The following TNNI3K variants were observed in gnomAD, a reference collection of about 807,000 sequenced individuals.
TNNI3K encodes serine/threonine-protein kinase TNNI3K.
Under a neutral mutation model 114.5 loss-of-function variants are expected in TNNI3K, and 140 were observed. The observed-to-expected ratio is 1.22, with a 90% CI of 1.07 to 1.41. The LOEUF is 1.41. TNNI3K is among the 40% of genes most tolerant of loss of function. The pLI is 0.00. For missense variants in TNNI3K, 1,125 were observed against 1,007.6 expected (o/e 1.12, Z -1.58); for synonymous variants, 347 against 347.5 (o/e 1.00, Z 0.02).
At chr1:74,244,347 G>A (rs536418384) in intron 2 of TNNI3K, among the ~76,000 whole-genome samples, 1 of 152,196 alleles carries the variant, frequency 6.6e-6, no homozygotes, top group African/African-American at 2.4e-5. Context: ...TCAGTTTAAA[G>A]CAAGGAACTC....
At chr1:74,459,426 G>C (rs1667355377) in intron 20 of TNNI3K, among the ~76,000 whole-genome samples, 1 of 152,074 alleles carries the variant, frequency 6.6e-6, no homozygotes, top group South Asian at 2.1e-4. Flanking sequence ...GGGTACCCAG[G>C]AAAAGTCAAT....
At chr1:74,351,554 C>T (rs1176552202) in intron 9 of TNNI3K, among the ~76,000 whole-genome samples, 1 of 151,968 alleles carries the variant, frequency 6.6e-6, no homozygotes, top group East Asian at 1.9e-4. Flanking sequence ...TAATATCCTG[C>T]AGAGTGTTTT....
intron 23 of TNNI3K, among the ~76,000 whole-genome samples, chr1:74,504,492 T>C (rs1480836438): frequency 6.6e-6 from 1 of 152,070 alleles, no homozygotes. Context: ...AAACCACCCT[T>C]AGTTTGAAAC....
At chr1:74,415,084 C>T (rs775359189) in intron 17 of TNNI3K, among the ~76,000 whole-genome samples, 11 of 152,158 alleles carry the variant, frequency 7.2e-5, no homozygotes, top group Non-Finnish European at 1.6e-4. Flanking sequence ...CTATCCCAGC[C>T]ACGACGGGGC....
At chr1:74,475,000 G>A (rs1668117315) in intron 21 of TNNI3K, among the ~76,000 whole-genome samples, 1 of 5,454 alleles carries the variant, frequency 1.8e-4, no homozygotes, top group East Asian at 5.3e-3. Flanking sequence ...TATTTAAAAG[G>A]CTACTTTTTT....
chr1:74,291,251 C>A lies in TNNI3K; in HGVS notation c.444+19543C>A, dbSNP rs45541840. ...GTGAATATGTATCTCTGTATAAAAT[C>A]ATTAATTAAATATTTTTAATTTTTT... On this transcript the variant is annotated intron_variant, in intron 5 of 24. Coordinates refer to ENST00000326637, the MANE Select transcript of TNNI3K (RefSeq NM_015978.3). Among the ~76,000 whole-genome samples the A allele has an allele frequency of 7.2e-3, 1,083 of 151,426 alleles. 10 individuals are homozygous for A. The highest frequency in any genetic ancestry group is 0.025 in the African/African-American group (1,041 of 41,422).
intron 16 of TNNI3K, chr1:74,370,020 A>G (rs1662510242): frequency 4.0e-6 from 1 of 251,912 alleles, no homozygotes; most frequent in Non-Finnish European, 7.4e-6. Context: ...ATTTTACAAT[A>G]TTACAAAGAA....
intron 4 of TNNI3K, among the ~76,000 whole-genome samples, chr1:74,262,665 A>G (rs1655748489): frequency 6.6e-6 from 1 of 152,104 alleles, no homozygotes; most frequent in South Asian, 2.1e-4. Flanking sequence ...GAAAATTTTT[A>G]CTCATAAATT....
intron 17 of TNNI3K, among the ~76,000 whole-genome samples, chr1:74,397,138 G>A (rs958877759): frequency 1.2e-4 from 18 of 151,974 alleles, no homozygotes; most frequent in African/African-American, 3.9e-4. Context: ...ACCACAGCTC[G>A]GCTCAGGCAC....
chr1:74,533,400 T>A (rs1312216128), intron 23 of TNNI3K, among the ~76,000 whole-genome samples: 2 of 152,080 alleles, frequency 1.3e-5, no homozygotes, highest in African/African-American at 4.8e-5. Flanking sequence ...ATCATTAAAA[T>A]GTCAGGAAAC....
intron 17 of TNNI3K, among the ~76,000 whole-genome samples, chr1:74,396,084 T>C (rs886954798): frequency 9.2e-5 from 14 of 152,124 alleles, no homozygotes; most frequent in Admixed American, 9.2e-4. Context: ...AAAAAGAGCG[T>C]AATAAATAGC....
intron 17 of TNNI3K, among the ~76,000 whole-genome samples, chr1:74,423,467 A>G (rs1005358416): frequency 1.3e-5 from 2 of 152,136 alleles, no homozygotes; most frequent in African/African-American, 4.8e-5. Flanking sequence ...TATGTGGAGG[A>G]AAGTAAATGA....
At chr1:74,289,842 A>C (rs1361249697) in intron 5 of TNNI3K, among the ~76,000 whole-genome samples, 1 of 151,962 alleles carries the variant, frequency 6.6e-6, no homozygotes, top group Admixed American at 6.6e-5. Context: ...CATGACTCTG[A>C]CACCGATAAT....
chr1:74,462,462 G>A (rs2100720358), intron 20 of TNNI3K, among the ~76,000 whole-genome samples: 1 of 152,296 alleles, frequency 6.6e-6, no homozygotes, highest in South Asian at 2.1e-4. Context: ...GTTGATTACA[G>A]AGTATATTTA....
chr1:74,415,877 C>G (rs1665094189), intron 17 of TNNI3K, among the ~76,000 whole-genome samples: 1 of 151,926 alleles, frequency 6.6e-6, no homozygotes, highest in South Asian at 2.1e-4. Flanking sequence ...TAGCTTTTTG[C>G]CAAGCTACAG....
At chr1:74,516,140 A>G (rs1646344394) in intron 23 of TNNI3K, among the ~76,000 whole-genome samples, 1 of 152,314 alleles carries the variant, frequency 6.6e-6, no homozygotes, top group Non-Finnish European at 1.5e-5. Flanking sequence ...GTTCTTATTG[A>G]TAATAACTCT....
intron 5 of TNNI3K, among the ~76,000 whole-genome samples, chr1:74,279,332 G>T (rs1656866176): frequency 6.6e-6 from 1 of 152,178 alleles, no homozygotes; most frequent in Non-Finnish European, 1.5e-5. Context: ...GTTGCGGTTA[G>T]CTTTTTGTAG....
intron 17 of TNNI3K, among the ~76,000 whole-genome samples, chr1:74,392,854 T>C (rs1663862909): frequency 6.6e-6 from 1 of 152,212 alleles, no homozygotes; most frequent in African/African-American, 2.4e-5. Flanking sequence ...TTGCAAATGT[T>C]GGGAAGCATA....
chr1:74,347,728 G>T (rs1421391077), intron 9 of TNNI3K, among the ~76,000 whole-genome samples: 1 of 152,168 alleles, frequency 6.6e-6, no homozygotes, highest in African/African-American at 2.4e-5. Flanking sequence ...TTGTGGTTTT[G>T]ATTTGCATCT....
Sources: gnomAD v4.1 joint callset for allele counts (sites outside exome capture counted in the v4.1 genomes callset) on GRCh38, gnomAD v4.1.1 for gene constraint, MANE v1.5 for transcripts, NCBI Gene and HGNC (gene_info 2026-07-23, HGNC 2026-07-21) for gene names.